ATP9A: variants seen among roughly 807,000 people sequenced by gnomAD.
ATP9A encodes ATPase phospholipid transporting 9A.
In ATP9A, 52 loss-of-function variants were observed where a neutral mutation model predicts 144.1. The ratio of observed to expected loss-of-function variants is 0.36; its 90% CI spans 0.29 to 0.45. The LOEUF (loss-of-function observed/expected upper bound fraction) is 0.45. ATP9A is among the 20% of genes least tolerant of loss of function. ATP9A has a pLI of 1.00. For missense variants in ATP9A, 947 were observed against 1,392.7 expected (o/e 0.68, Z 5.09); for synonymous variants, 582 against 557.4 (o/e 1.04, Z -0.62).
At chr20:51,698,650 G>A (rs2077580498) in intron 4 of ATP9A, among the ~76,000 whole-genome samples, 1 of 152,224 alleles carries the variant, frequency 6.6e-6, no homozygotes, top group Non-Finnish European at 1.5e-5. Context: ...TGGAGAATCA[G>A]AGGGGTGGCT....
At chr20:51,743,190 A>G (rs1198486070) in intron 1 of ATP9A, among the ~76,000 whole-genome samples, 1 of 152,112 alleles carries the variant, frequency 6.6e-6, no homozygotes, top group Non-Finnish European at 1.5e-5. Flanking sequence ...TGTTGCATGC[A>G]TGGACTTCAG....
intron 4 of ATP9A, among the ~76,000 whole-genome samples, chr20:51,699,836 T>C (rs1245087870): frequency 2.0e-5 from 3 of 151,416 alleles, no homozygotes; most frequent in African/African-American, 7.3e-5. Flanking sequence ...AGAGACGGGG[T>C]TTCACCATAT....
At position 51,768,288 on chromosome 20, in the gene ATP9A, C is replaced by T; in HGVS notation, c.68+14G>A. On this transcript the variant is annotated intron_variant, in intron 1 of 27. Transcript: ENST00000338821. ...GGCGCGGACAAAGGAAAACACGGGC[C>T]CAGGCCCACTCACCCGGCGCGGGGC... is the stretch of plus-strand genomic sequence containing the variant. 1 of 1,278,830 alleles carries T rather than the reference C, an allele frequency of 7.8e-7. No homozygotes were observed. The highest frequency in any genetic ancestry group is 1.0e-6 in the Non-Finnish European group (1 of 1,004,572). 79.2% of individuals were successfully genotyped at this position (1,278,830 alleles called of 1,614,324 possible).
At chr20:51,658,666 C>G (rs1046616256) in intron 13 of ATP9A, among the ~76,000 whole-genome samples, 1 of 151,576 alleles carries the variant, frequency 6.6e-6, no homozygotes, top group African/African-American at 2.4e-5. Flanking sequence ...ATTACAGGCG[C>G]CCGCCACCAA....
chr20:51,691,114 A>G (rs971121908), intron 7 of ATP9A, among the ~76,000 whole-genome samples: 3 of 152,172 alleles, frequency 2.0e-5, no homozygotes, highest in African/African-American at 4.8e-5. Flanking sequence ...AATACCCTGG[A>G]AAGTGGCAGA....
chr20:51,732,376 C>T (rs2077745804), intron 1 of ATP9A: 1 of 152,536 alleles, frequency 6.6e-6, no homozygotes, highest in African/African-American at 2.4e-5. Flanking sequence ...CAACAACTCA[C>T]ATATTACTCG....
chr20:51,700,793 G>A (rs893139434), intron 4 of ATP9A, among the ~76,000 whole-genome samples: 2 of 152,316 alleles, frequency 1.3e-5, no homozygotes, highest in East Asian at 1.9e-4. Context: ...TCGCACCACT[G>A]CACTCCAACC....
intron 4 of ATP9A, among the ~76,000 whole-genome samples, chr20:51,708,835 G>A (rs542658611): frequency 1.3e-5 from 2 of 152,216 alleles, no homozygotes; most frequent in East Asian, 3.9e-4. Flanking sequence ...CCTTGAAACT[G>A]GCCTGTCCTC....
chr20:51,726,940 T>TTAGG (rs1207519368), intron 2 of ATP9A, among the ~76,000 whole-genome samples: 2 of 146,550 alleles, frequency 1.4e-5, no homozygotes, highest in African/African-American at 5.1e-5. Flanking sequence ...GCTCTGTTGT[T>TTAGG]TAGGAGGAGG....
At chr20:51,614,961 C>T (rs1401060573) in intron 22 of ATP9A, among the ~76,000 whole-genome samples, 1 of 151,892 alleles carries the variant, frequency 6.6e-6, no homozygotes, top group African/African-American at 2.4e-5. Flanking sequence ...TGAAGACACT[C>T]AGAGGACAGA....
chr20:51,713,147 G>T, intron 3 of ATP9A, 73 bp from the exon 4 acceptor site: 2 of 1,403,496 alleles, frequency 1.4e-6, no homozygotes, highest in Non-Finnish European at 9.8e-7. Flanking sequence ...CCCTCCTGGT[G>T]CCAGGGGCAG....
chr20:51,605,912 C>CA (rs77080495), intron 26 of ATP9A, among the ~76,000 whole-genome samples: 5,681 of 102,380 alleles, frequency 0.055, 100 homozygotes, highest in Non-Finnish European at 0.062. Context: ...GACTCTGTTA[C>CA]AAAAAAAAAA....
chr20:51,669,024 AT>A (rs1467894849), intron 13 of ATP9A, among the ~76,000 whole-genome samples: 1 of 152,182 alleles, frequency 6.6e-6, no homozygotes, highest in African/African-American at 2.4e-5. Flanking sequence ...ATTTCGACGA[AT>A]TTAAGCAAAA....
chr20:51,666,652 C>G (rs976810546), intron 13 of ATP9A, among the ~76,000 whole-genome samples: 5 of 149,258 alleles, frequency 3.3e-5, no homozygotes, highest in African/African-American at 5.0e-5. Context: ...TGTACCTCAG[C>G]CTGGGCAACA....
At chr20:51,629,145 T>A (rs574908905) in intron 15 of ATP9A, 73 bp from the exon 16 acceptor site, 2 of 1,236,046 alleles carry the variant, frequency 1.6e-6, no homozygotes, top group African/African-American at 3.0e-5. Flanking sequence ...CCGCTTCCCA[T>A]GACAGACAGT....
chr20:51,726,817 G>C (rs144531272), intron 2 of ATP9A, among the ~76,000 whole-genome samples: 1 of 150,818 alleles, frequency 6.6e-6, no homozygotes, highest in East Asian at 1.9e-4. Context: ...GGGCTCAAGC[G>C]ATCCTCCCAC....
intron 13 of ATP9A, among the ~76,000 whole-genome samples, chr20:51,662,514 C>T (rs1380625935): frequency 4.0e-5 from 6 of 149,904 alleles, no homozygotes; most frequent in African/African-American, 1.5e-4. Context: ...CACTGCACTC[C>T]AGCCTGGTTA....
At chr20:51,633,923 G>A (rs1055788100) in intron 15 of ATP9A, among the ~76,000 whole-genome samples, 9 of 150,856 alleles carry the variant, frequency 6.0e-5, no homozygotes, top group Non-Finnish European at 1.2e-4. Context: ...AGGGAGGGAG[G>A]GAGAGAGAGA....
At chr20:51,687,206 G>A (rs892557097) in intron 9 of ATP9A, among the ~76,000 whole-genome samples, 1 of 126,234 alleles carries the variant, frequency 7.9e-6, no homozygotes, top group Non-Finnish European at 1.6e-5. Context: ...GTGCCCAGGC[G>A]TGGCCCAGGC....
Sources: allele counts gnomAD v4.1 joint callset (sites outside exome capture counted in the v4.1 genomes callset), GRCh38; gene constraint gnomAD v4.1.1; transcripts MANE v1.5; gene names NCBI Gene and HGNC (gene_info 2026-07-23, HGNC 2026-07-21).